The following GALNT16 variants were observed in gnomAD, a reference collection of about 807,000 sequenced individuals.
GALNT16 encodes polypeptide N-acetylgalactosaminyltransferase 16.
Under a neutral mutation model 76.1 loss-of-function variants are expected in GALNT16, and 40 were observed. The ratio of observed to expected loss-of-function variants is 0.53; its 90% CI spans 0.41 to 0.68. The LOEUF (loss-of-function observed/expected upper bound fraction) is 0.68. GALNT16 is among the 30% of genes least tolerant of loss of function. The pLI is 0.00. For missense variants in GALNT16, 621 were observed against 731.9 expected (o/e 0.85, Z 1.75); for synonymous variants, 276 against 285.2 (o/e 0.97, Z 0.32).
rs948049456 is a variant in GALNT16, at chr14:69,325,362, T to C, written c.460T>C (p.Leu154=). The C allele has an allele frequency of 6.2e-7, 1 of 1,604,652 alleles. No homozygotes were observed. Among genetic ancestry groups the C allele is most frequent in the Non-Finnish European group, 8.5e-7 (1 of 1,171,378 alleles). ...TGTCCTGAACCGAACTCCTGCCAACTTGATCCAGGAGATCATTTTAGTGGA... is the reference window on the plus strand; with the variant it reads ...TGTCCTGAACCGAACTCCTGCCAACCTGATCCAGGAGATCATTTTAGTGGA... ...KSVLNRTPAN[L]IQEIILVDDF... The change falls in exon 4 of 15, where the codon TTG becomes CTG. Residue 154 remains leucine, a synonymous_variant. Coordinates refer to ENST00000448469, the MANE Select transcript of GALNT16 (RefSeq NM_001168368.2).
the GALNT16 span, among the ~76,000 whole-genome samples, chr14:69,372,597 G>A: frequency 1.4e-5 from 2 of 143,730 alleles, no homozygotes; most frequent in African/African-American, 2.6e-5. Flanking sequence ...CCAGGTTCAA[G>A]AGATTCTTCT....
At chr14:69,274,201 T>C (rs1175493664) in intron 1 of GALNT16, among the ~76,000 whole-genome samples, 1 of 152,176 alleles carries the variant, frequency 6.6e-6, no homozygotes, top group Non-Finnish European at 1.5e-5. Context: ...ACATCAAGAG[T>C]TTAGAATTCT....
intron 1 of GALNT16, among the ~76,000 whole-genome samples, chr14:69,302,550 C>T (rs938808562): frequency 6.6e-6 from 1 of 151,976 alleles, no homozygotes; most frequent in Non-Finnish European, 1.5e-5. Flanking sequence ...ATTTTTAAAC[C>T]GAATCTTGCA....
chr14:69,338,862 T>C, intron 10 of GALNT16, 85 bp downstream of exon 10: 2 of 1,116,914 alleles, frequency 1.8e-6, no homozygotes, highest in African/African-American at 3.1e-5. Flanking sequence ...ACTATGTGAC[T>C]GTGGGCAGCC....
intron 11 of GALNT16, among the ~76,000 whole-genome samples, chr14:69,340,848 A>C (rs1364013751): frequency 1.3e-5 from 2 of 151,988 alleles, no homozygotes; most frequent in East Asian, 3.8e-4. Flanking sequence ...CAGAACCCAC[A>C]GATACTGAGG....
chr14:69,384,030 TATGTC>T, the GALNT16 span, among the ~76,000 whole-genome samples: 1 of 152,160 alleles, frequency 6.6e-6, no homozygotes, highest in Non-Finnish European at 1.5e-5. Context: ...AAAGTTATGT[TATGTC>T]ATTAATGACA....
At chr14:69,311,926 G>A (rs2045026330) in intron 1 of GALNT16, among the ~76,000 whole-genome samples, 1 of 147,262 alleles carries the variant, frequency 6.8e-6, no homozygotes, top group South Asian at 2.1e-4. Flanking sequence ...TGTTGGGGCA[G>A]GGGTGGTGGC....
At chr14:69,295,530 G>A (rs994683922) in intron 1 of GALNT16, among the ~76,000 whole-genome samples, 1 of 151,922 alleles carries the variant, frequency 6.6e-6, no homozygotes, top group Non-Finnish European at 1.5e-5. Context: ...GACCAGCCTG[G>A]CCAACATAGC....
chr14:69,338,794 G>T lies in GALNT16; in HGVS notation c.1094+17G>T, dbSNP rs748307402. ...CTACATCAGGTAGGTCACCGAGAAAGGAGCACGGGACTCAGAGGAGGACAC... is the reference window on the plus strand; with the variant it reads ...CTACATCAGGTAGGTCACCGAGAAATGAGCACGGGACTCAGAGGAGGACAC... On this transcript the variant is annotated intron_variant, in intron 10 of 14. Transcript: ENST00000448469. The T allele has an allele frequency of 8.1e-6, 13 of 1,603,348 alleles. No individual in the cohort carries two copies. Among genetic ancestry groups the T allele is most frequent in the African/African-American group, 1.3e-5 (1 of 74,502 alleles).
In GALNT16 at chr14:69,321,685, C is replaced by G. The variant is rs538578214; in HGVS notation, c.335+817C>G. On this transcript the variant is annotated intron_variant, in intron 2 of 14. Transcript: ENST00000448469. ...CTGTTTCCTCTGCCTAAACGCACCT[C>G]CTCCGCCCCACCTACCCTTTGAGCT... 8.5e-5 allele frequency among the ~76,000 whole-genome samples: 13 copies of G among 152,322 alleles called. No individual in the cohort carries two copies. The East Asian group carries it at 2.5e-3, about 29-fold the overall frequency.
chr14:69,329,497 C>A (rs953392146), intron 6 of GALNT16, among the ~76,000 whole-genome samples: 1 of 152,238 alleles, frequency 6.6e-6, no homozygotes. Context: ...GATGCCACTT[C>A]ACACCTACCA....
Position 69,322,971 on chromosome 14 carries a change from TGTGTGTGTGTGCGCGCGCAC to T in GALNT16, c.336-1719_336-1700del, listed in dbSNP as rs1422556673. Among the ~76,000 whole-genome samples, 361 of 55,784 alleles carry T rather than the reference TGTGTGTGTGTGCGCGCGCAC, an allele frequency of 6.5e-3. 12 individuals are homozygous for T. Among genetic ancestry groups the T allele is most frequent in the African/African-American group, 0.059 (345 of 5,892 alleles). 36.6% of individuals were successfully genotyped at this position (55,784 alleles called of 152,430 possible). On this transcript the variant is annotated intron_variant, in intron 2 of 14. Transcript: ENST00000448469. ...GTGTGTGTGTGTGTGTGTGTGTGTGTGTGTGTGTGTGCGCGCGCACGCGCGCACGCATGCACACGTGTAGG... is the reference window on the plus strand; with the variant it reads ...GTGTGTGTGTGTGTGTGTGTGTGTGTGCGCGCACGCATGCACACGTGTAGG...
rs540213835 is a variant in GALNT16, at chr14:69,344,967, A to G, written c.1272-2073A>G. Among the ~76,000 whole-genome samples the G allele has an allele frequency of 1.2e-4, 19 of 152,294 alleles. 1 individual carries two copies. In the South Asian group the frequency reaches 1.5e-3, roughly 12 times the overall value. On this transcript the variant is annotated intron_variant, in intron 12 of 14. Coordinates refer to ENST00000448469, the MANE Select transcript of GALNT16 (RefSeq NM_001168368.2). ...AATTCTTACAGTGGTCAGGCAGGTG[A>G]TGTCAATAAGTCAAATGGGTAAGGA...
Position 69,339,508 on chromosome 14 carries a change from C to T in GALNT16, c.1095-19C>T, listed in dbSNP as rs1365435028. On this transcript the variant is annotated intron_variant, in intron 10 of 14. Transcript: ENST00000448469. The stretch of plus-strand genomic sequence containing the variant: ...TTGCTTCCCTGGTGACCTTATTTTG[C>T]TCTTTCCTCTCCTTTTAGGAATACT... 2.0e-6 allele frequency: 3 copies of T among 1,514,108 alleles called. No homozygotes were observed. The highest frequency in any genetic ancestry group is 4.5e-5 in the East Asian group (2 of 44,434). 93.8% of individuals were successfully genotyped at this position (1,514,108 alleles called of 1,614,324 possible).
At position 69,323,283 on chromosome 14, in the gene GALNT16, T is replaced by C. The variant is rs941367792; in HGVS notation, c.336-1409T>C. ...AAAACTCAGGGCTGGGACAAACCCC[T>C]TTAGAGGCTCCTGGCTCCTGGGAGC... On this transcript the variant is annotated intron_variant, in intron 2 of 14. Coordinates refer to ENST00000448469, the MANE Select transcript of GALNT16 (RefSeq NM_001168368.2). Among the ~76,000 whole-genome samples, 8 of 152,252 alleles carry C rather than the reference T, an allele frequency of 5.3e-5. No homozygotes were observed. In the South Asian group the frequency reaches 1.7e-3, roughly 32 times the overall value.
intron 1 of GALNT16, among the ~76,000 whole-genome samples, chr14:69,268,742 A>G (rs2044369516): frequency 6.6e-6 from 1 of 152,242 alleles, no homozygotes; most frequent in Non-Finnish European, 1.5e-5. Flanking sequence ...AAAGCAGCAT[A>G]AGGGAGCAGA....
intron 1 of GALNT16, among the ~76,000 whole-genome samples, chr14:69,286,164 G>T (rs891072749): frequency 6.6e-6 from 1 of 152,212 alleles, no homozygotes; most frequent in African/African-American, 2.4e-5. Flanking sequence ...ACAACAAAGG[G>T]TAGGGCACGC....
At chr14:69,310,139 A>G (rs1449002617) in intron 1 of GALNT16, among the ~76,000 whole-genome samples, 1 of 152,172 alleles carries the variant, frequency 6.6e-6, no homozygotes, top group Non-Finnish European at 1.5e-5. Context: ...TTATAGTAAG[A>G]CATACTATAA....
the GALNT16 span, among the ~76,000 whole-genome samples, chr14:69,376,123 A>C: frequency 6.6e-6 from 1 of 151,896 alleles, no homozygotes; most frequent in African/African-American, 2.4e-5. Context: ...TGCAGCCTCC[A>C]ACTCTTGGGC....
Sources: gnomAD v4.1 joint callset for allele counts (sites outside exome capture counted in the v4.1 genomes callset) on GRCh38, gnomAD v4.1.1 for gene constraint, MANE v1.5 for transcripts, NCBI Gene and HGNC (gene_info 2026-07-23, HGNC 2026-07-21) for gene names.